ZNF215: variants seen among roughly 807,000 people sequenced by gnomAD.
ZNF215 encodes the protein zinc finger protein 215, also known as BWSCR2-associated zinc finger protein 2.
In ZNF215, 24 loss-of-function variants were observed where a neutral mutation model predicts 27.2. The ratio of observed to expected loss-of-function variants is 0.88; its 90% CI spans 0.64 to 1.24. The LOEUF is 1.24. ZNF215 is among the 50% of genes most tolerant of loss of function. The pLI is 0.00. For synonymous variants in ZNF215, 210 were observed against 204.0 expected (o/e 1.03, Z -0.25); for missense variants, 675 against 605.7 (o/e 1.11, Z -1.20).
intron 6 of ZNF215, among the ~76,000 whole-genome samples, chr11:6,953,669 C>T (rs1159531899): frequency 1.3e-5 from 2 of 152,080 alleles, no homozygotes; most frequent in African/African-American, 4.8e-5. Flanking sequence ...CCTTCTTTGC[C>T]TTTGGTTTGA....
intron 5 of ZNF215, among the ~76,000 whole-genome samples, chr11:6,963,907 T>G (rs896066625): frequency 6.6e-6 from 1 of 152,110 alleles, no homozygotes; most frequent in African/African-American, 2.4e-5. Context: ...AATTATGTTA[T>G]AGCTTGGAAT....
chr11:6,987,312 C>A (rs1184930666), downstream of ZNF215, among the ~76,000 whole-genome samples: 2 of 152,144 alleles, frequency 1.3e-5, no homozygotes, highest in South Asian at 4.2e-4. Context: ...TACCACGGAG[C>A]TAAACATTGG....
At chr11:6,994,201 T>TATGTG (rs1564983285) in intron 6 of ZNF215, among the ~76,000 whole-genome samples, 1 of 149,044 alleles carries the variant, frequency 6.7e-6, no homozygotes, top group East Asian at 1.9e-4. Context: ...TTTTATATAT[T>TATGTG]ATATATTAAT....
chr11:6,980,492 G>C (rs1482690108), intron 5 of ZNF215, among the ~76,000 whole-genome samples: 2 of 151,998 alleles, frequency 1.3e-5, no homozygotes, highest in Admixed American at 6.6e-5. Context: ...TTATTAAACA[G>C]TTTAATAAAC....
rs79613825 is a variant in ZNF215, at chr11:6,966,636, A to G, written c.805+10854A>G. Among the ~76,000 whole-genome samples, 443 of 152,168 alleles carry G rather than the reference A, an allele frequency of 2.9e-3. 11 individuals are homozygous for G. The East Asian group carries it at 0.074, about 25-fold the overall frequency. On this transcript the variant is annotated intron_variant, in intron 5 of 5. Coordinates refer to the ZNF215 transcript ENST00000529903. ...TAGTCCCTTCTTTCCTGATAGCATAACTTGTATTCTCCATTTATCTCTTAG... is the reference window on the plus strand; with the variant it reads ...TAGTCCCTTCTTTCCTGATAGCATAGCTTGTATTCTCCATTTATCTCTTAG...
chr11:6,979,042 A>T (rs1214323690), intron 5 of ZNF215, among the ~76,000 whole-genome samples: 1 of 152,038 alleles, frequency 6.6e-6, no homozygotes, highest in Non-Finnish European at 1.5e-5. Flanking sequence ...CCTAAATTTT[A>T]TGCTGTTTTA....
downstream of ZNF215, among the ~76,000 whole-genome samples, chr11:6,991,594 C>T (rs2133367115): frequency 6.6e-6 from 1 of 152,358 alleles, no homozygotes; most frequent in Non-Finnish European, 1.5e-5. Flanking sequence ...TTCCTTTTCT[C>T]TTTGTGCTGT....
intron 6 of ZNF215, among the ~76,000 whole-genome samples, chr11:6,952,264 G>A (rs182726117): frequency 2.0e-5 from 3 of 152,292 alleles, no homozygotes; most frequent in Admixed American, 2.0e-4. Flanking sequence ...TTGGTGCAGA[G>A]CTGAGTTCAA....
intron 6 of ZNF215, among the ~76,000 whole-genome samples, chr11:6,949,176 C>T (rs1849945939): frequency 1.3e-5 from 2 of 151,682 alleles, no homozygotes; most frequent in South Asian, 4.2e-4. Context: ...GGTTCCAAGT[C>T]TTTGCTATTG....
intron 5 of ZNF215, among the ~76,000 whole-genome samples, chr11:6,981,773 A>G (rs1194741310): frequency 2.6e-5 from 4 of 152,138 alleles, no homozygotes; most frequent in South Asian, 4.2e-4. Context: ...TCCATCTTGA[A>G]TTAATTTTTG....
At chr11:6,985,745 T>C (rs1252308851), downstream of ZNF215, among the ~76,000 whole-genome samples, 2 of 152,062 alleles carry the variant, frequency 1.3e-5, no homozygotes, top group Non-Finnish European at 2.9e-5. Flanking sequence ...ACCAATAACA[T>C]TTAAGCTGAG....
intron 6 of ZNF215, among the ~76,000 whole-genome samples, chr11:6,955,441 G>C (rs528666136): frequency 6.6e-6 from 1 of 152,244 alleles, no homozygotes; most frequent in African/African-American, 2.4e-5. Context: ...TTCATGTAAA[G>C]ATATTTTACT....
At chr11:6,964,389 T>G (rs1850576333) in intron 5 of ZNF215, among the ~76,000 whole-genome samples, 1 of 152,090 alleles carries the variant, frequency 6.6e-6, no homozygotes, top group Admixed American at 6.6e-5. Flanking sequence ...TTTTAGAGTT[T>G]TAAGTTTTAC....
At chr11:6,941,442 G>A in intron 3 of ZNF215, 129 bp from the exon 4 acceptor site, 1 of 698,966 alleles carries the variant, frequency 1.4e-6, no homozygotes, top group Non-Finnish European at 2.3e-6. Flanking sequence ...TTGCTGGCAG[G>A]GCCTGACATT....
rs757437401 is a variant in ZNF215 at position 6,943,146 on chromosome 11, T to C, written c.547T>C (p.Ser183Pro). ...FSKEEWGQLD[S>P]AVKNLYRNVM... ...CAAGGAAGAGTGGGGGCAACTGGAC[T>C]CTGCTGTAAAGAACCTGTACAGGAA... The change falls in exon 5 of 7, where the codon TCT becomes CCT. Residue 183 changes from serine (S) to proline (P), a missense_variant. Transcript: ENST00000278319. The C allele has an allele frequency of 5.6e-6, 9 of 1,613,990 alleles. No homozygotes were observed. The African/African-American group carries it at 6.7e-5, about 12-fold the overall frequency.
rs1215775438 is a variant in ZNF215, at chr11:6,955,988, T to C, written c.1011T>C (p.Phe337=). The change falls in exon 7 of 7, where the codon TTT becomes TTC. Residue 337 remains phenylalanine, a synonymous_variant. Coordinates refer to ENST00000278319, the MANE Select transcript of ZNF215 (RefSeq NM_013250.4). The part of the protein sequence containing the change: ...SRKGSPKCDK[F]KTYFKFNLDS... Reference sequence around the variant, plus strand: ...AGGGGTCTCCAAAATGTGATAAGTTTAAAACTTACTTCAAATTTAATTTAG... The same window carrying C: ...AGGGGTCTCCAAAATGTGATAAGTTCAAAACTTACTTCAAATTTAATTTAG... The C allele has an allele frequency of 1.9e-6, 3 of 1,612,522 alleles. No homozygotes were observed. In the African/African-American group the frequency reaches 4.0e-5, roughly 22 times the overall value.
intron 5 of ZNF215, among the ~76,000 whole-genome samples, chr11:6,972,212 A>G (rs1285419505): frequency 6.6e-6 from 1 of 152,092 alleles, no homozygotes; most frequent in East Asian, 1.9e-4. Context: ...ATGAGATAGT[A>G]AATATTTTAG....
At chr11:6,966,907 T>C (rs974553334) in intron 5 of ZNF215, among the ~76,000 whole-genome samples, 3 of 151,982 alleles carry the variant, frequency 2.0e-5, no homozygotes, top group African/African-American at 7.2e-5. Flanking sequence ...GTTTGCTGCA[T>C]CCATCAACTC....
intron 3 of ZNF215, among the ~76,000 whole-genome samples, chr11:6,935,232 T>C (rs1160576770): frequency 6.6e-6 from 1 of 152,230 alleles, no homozygotes; most frequent in African/African-American, 2.4e-5. Flanking sequence ...ATTGAAGACA[T>C]GTTCAGAAAG....
Sources: allele counts gnomAD v4.1 joint callset (sites outside exome capture counted in the v4.1 genomes callset), GRCh38; gene constraint gnomAD v4.1.1; transcripts MANE v1.5; gene names NCBI Gene and HGNC (gene_info 2026-07-23, HGNC 2026-07-21).